SLC2A13: variants seen among roughly 807,000 people sequenced by gnomAD.
SLC2A13 encodes the protein solute carrier family 2 member 13.
Under a neutral mutation model 64.4 loss-of-function variants are expected in SLC2A13, and 32 were observed. That is an observed-to-expected ratio of 0.50 (90% CI 0.37 to 0.67). The LOEUF is 0.67. Ranked by LOEUF, SLC2A13 falls within the 30% of genes least tolerant of loss-of-function variation. The probability of loss-of-function intolerance (pLI) is 0.00; values close to 1 mark genes in which losing one functional copy is unlikely to be tolerated. For missense variants in SLC2A13, 743 were observed against 829.2 expected (o/e 0.90, Z 1.28); for synonymous variants, 338 against 327.1 (o/e 1.03, Z -0.36).
chr12:39,812,230 G>T (rs531163852), intron 7 of SLC2A13, among the ~76,000 whole-genome samples: 19 of 151,924 alleles, frequency 1.3e-4, no homozygotes, highest in Admixed American at 9.8e-4. Context: ...TCTATCTGGG[G>T]CCCCTTTATA....
intron 4 of SLC2A13, among the ~76,000 whole-genome samples, chr12:39,903,077 T>C (rs1380353236): frequency 6.6e-6 from 1 of 152,126 alleles, no homozygotes; most frequent in Non-Finnish European, 1.5e-5. Flanking sequence ...CATAGGAACA[T>C]CGTAATAATG....
At chr12:39,777,170 C>T (rs1289726201) in intron 7 of SLC2A13, among the ~76,000 whole-genome samples, 2 of 152,076 alleles carry the variant, frequency 1.3e-5, no homozygotes, top group Non-Finnish European at 2.9e-5. Context: ...CCTTTCTTCC[C>T]GCTTCCTTTT....
chr12:39,847,336 C>A (rs1053905793), intron 6 of SLC2A13, among the ~76,000 whole-genome samples: 8 of 152,096 alleles, frequency 5.3e-5, no homozygotes. Context: ...CCTAACTGGG[C>A]ACATTGTGGC....
chr12:39,806,079 T>C (rs1941971202), intron 7 of SLC2A13, among the ~76,000 whole-genome samples: 1 of 152,208 alleles, frequency 6.6e-6, no homozygotes, highest in Admixed American at 6.5e-5. Context: ...ACAGAACTGA[T>C]TATTTAAAAT....
chr12:39,894,384 TC>T (rs1209991753), intron 4 of SLC2A13, among the ~76,000 whole-genome samples: 1 of 152,230 alleles, frequency 6.6e-6, no homozygotes, highest in East Asian at 1.9e-4. Context: ...ACAATATTTT[TC>T]TTAAACTTAT....
intron 2 of SLC2A13, among the ~76,000 whole-genome samples, chr12:40,036,200 C>G (rs1244519938): frequency 6.6e-6 from 1 of 152,038 alleles, no homozygotes; most frequent in Non-Finnish European, 1.5e-5. Flanking sequence ...TTAAGGAGAG[C>G]AGTTATTCCA....
At chr12:39,904,939 G>C (rs1945226415) in intron 4 of SLC2A13, among the ~76,000 whole-genome samples, 1 of 152,064 alleles carries the variant, frequency 6.6e-6, no homozygotes. Context: ...CATAAGGCAT[G>C]CCACTTTTTG....
chr12:40,013,978 GT>G (rs1947575848), intron 3 of SLC2A13, among the ~76,000 whole-genome samples: 1 of 152,130 alleles, frequency 6.6e-6, no homozygotes, highest in Non-Finnish European at 1.5e-5. Context: ...ATATGTATAT[GT>G]TATTTGTATT....
chr12:39,818,619 T>C (rs1469490535), intron 7 of SLC2A13, among the ~76,000 whole-genome samples: 2 of 152,158 alleles, frequency 1.3e-5, no homozygotes, highest in Non-Finnish European at 2.9e-5. Context: ...CCTTTGAAAT[T>C]CTGTTTCAAG....
At chr12:39,864,038 T>C (rs1219745767) in intron 6 of SLC2A13, among the ~76,000 whole-genome samples, 1 of 152,242 alleles carries the variant, frequency 6.6e-6, no homozygotes, top group Admixed American at 6.5e-5. Flanking sequence ...CTAGACTTTA[T>C]GGTGGCTAAA....
intron 4 of SLC2A13, chr12:39,951,007 T>C (rs1409576575): frequency 4.9e-6 from 2 of 407,996 alleles, no homozygotes; most frequent in African/African-American, 4.1e-5. Context: ...AGGTATTGGA[T>C]GGCGTAAAAG....
chr12:39,967,213 T>C (rs1487681076), intron 3 of SLC2A13, among the ~76,000 whole-genome samples: 1 of 152,224 alleles, frequency 6.6e-6, no homozygotes, highest in African/African-American at 2.4e-5. Flanking sequence ...AAAACTTGTT[T>C]CTACATATTT....
At chr12:40,053,610 T>C (rs1948293313) in intron 1 of SLC2A13, among the ~76,000 whole-genome samples, 1 of 152,176 alleles carries the variant, frequency 6.6e-6, no homozygotes, top group Non-Finnish European at 1.5e-5. Context: ...CACTATTGCC[T>C]GCTAAGTGAC....
At chr12:39,932,319 T>C (rs1945839383) in intron 4 of SLC2A13, among the ~76,000 whole-genome samples, 2 of 152,172 alleles carry the variant, frequency 1.3e-5, no homozygotes, top group South Asian at 4.1e-4. Flanking sequence ...TAAAGCAATA[T>C]GAATAAATGA....
chr12:40,082,880 G>T (rs1239306618), intron 1 of SLC2A13, among the ~76,000 whole-genome samples: 2 of 152,178 alleles, frequency 1.3e-5, no homozygotes, highest in African/African-American at 4.8e-5. Context: ...TCAGGAATAA[G>T]TCCTGGTGCT....
chr12:39,918,551 C>A (rs1345214394), intron 4 of SLC2A13, among the ~76,000 whole-genome samples: 1 of 151,988 alleles, frequency 6.6e-6, no homozygotes, highest in Non-Finnish European at 1.5e-5. Context: ...GTTAGTATAT[C>A]TGTGAAGTAA....
intron 1 of SLC2A13, among the ~76,000 whole-genome samples, chr12:40,054,719 G>A (rs2136244407): frequency 6.6e-6 from 1 of 152,324 alleles, no homozygotes; most frequent in South Asian, 2.1e-4. Flanking sequence ...GAGTGCAGAA[G>A]TTGGCTTTCA....
chr12:39,968,236 C>T (rs866278765), intron 3 of SLC2A13, among the ~76,000 whole-genome samples: 5 of 152,082 alleles, frequency 3.3e-5, no homozygotes, highest in Admixed American at 6.5e-5. Context: ...AGGAGATATG[C>T]AGAGTGAAGG....
intron 3 of SLC2A13, among the ~76,000 whole-genome samples, chr12:39,963,557 A>G (rs981704222): frequency 1.3e-5 from 2 of 151,378 alleles, no homozygotes; most frequent in African/African-American, 4.9e-5. Context: ...CAATCAAGAT[A>G]TGTACTGCCA....
Sources: gnomAD v4.1 joint callset for allele counts (sites outside exome capture counted in the v4.1 genomes callset) on GRCh38, gnomAD v4.1.1 for gene constraint, MANE v1.5 for transcripts, NCBI Gene and HGNC (gene_info 2026-07-23, HGNC 2026-07-21) for gene names.